The following BTBD19 variants were observed in gnomAD, a reference collection of about 807,000 sequenced individuals.
BTBD19 encodes the protein BTB/POZ domain-containing protein 19.
BTBD19 carries 20 observed loss-of-function variants against 36.1 expected under a neutral mutation model. That is an observed-to-expected ratio of 0.55 (90% CI 0.39 to 0.80). The LOEUF (loss-of-function observed/expected upper bound fraction) is 0.80. BTBD19 is among the 30% of genes least tolerant of loss of function. The pLI, the probability that BTBD19 is intolerant of heterozygous loss-of-function variation, is 0.00. For synonymous variants in BTBD19, 157 were observed against 174.3 expected (o/e 0.90, Z 0.78); for missense variants, 325 against 389.8 (o/e 0.83, Z 1.40).
At position 44,813,129 on chromosome 1, in the gene BTBD19, G is replaced by A; in HGVS notation, c.484-9G>A. The A allele has an allele frequency of 1.3e-6, 2 of 1,540,302 alleles. No individual in the cohort carries two copies. Among genetic ancestry groups the A allele is most frequent in the Non-Finnish European group, 1.8e-6 (2 of 1,141,278 alleles). On this transcript the variant is annotated splice_polypyrimidine_tract_variant and intron_variant, in intron 5 of 7. Transcript: ENST00000450269. This position sits in a 1 kb window ranked among gnomAD's most constrained non-coding sequence, Gnocchi z 7.8. ...TCTGCTCCTCCCTGACCCATTTGCC[G>A]GCTCGCAGGAGGCCCTCCGGACCCG...
At chr1:44,811,314 G>A (rs944789179) in intron 3 of BTBD19, among the ~76,000 whole-genome samples, 21 of 152,242 alleles carry the variant, frequency 1.4e-4, no homozygotes, top group African/African-American at 5.1e-4. Context: ...CTAGGGAGAG[G>A]AGAAGACTTC....
chr1:44,814,140 T>TTTTC, downstream of BTBD19: 1 of 256,138 alleles, frequency 3.9e-6, no homozygotes, highest in Non-Finnish European at 7.2e-6. Context: ...TTTCTTTTCT[T>TTTTC]TTTCTTTCTC....
chr1:44,814,274 C>T (rs1439486035), downstream of BTBD19: 1 of 143,754 alleles, frequency 7.0e-6, no homozygotes, highest in African/African-American at 2.6e-5. Context: ...CTTTCTCTAT[C>T]TCTTTCTTTC....
intron 4 of BTBD19, 40 bp downstream of exon 4, chr1:44,812,138 G>C: frequency 7.8e-7 from 1 of 1,279,144 alleles, no homozygotes. Flanking sequence ...GTCTGGCTCT[G>C]TGTGTGGAAA....
At chr1:44,809,623 T>C (rs1295817244) in intron 1 of BTBD19, among the ~76,000 whole-genome samples, 1 of 152,216 alleles carries the variant, frequency 6.6e-6, no homozygotes, top group Non-Finnish European at 1.5e-5. Flanking sequence ...TCCAGCCTCA[T>C]CTGCCTCCTA....
exon 1 of BTBD19, chr1:44,808,605 TG>T (rs1652245720): frequency 2.4e-6 from 1 of 413,284 alleles, no homozygotes; most frequent in African/African-American, 2.1e-5. Flanking sequence ...CAGCTTCTCC[TG>T]GCCCCCTCCC....
chr1:44,813,123 T>C lies in BTBD19; in HGVS notation c.484-15T>C, dbSNP rs1652506483. 5.2e-6 allele frequency: 8 copies of C among 1,541,482 alleles called. No homozygotes were observed. Among genetic ancestry groups the C allele is most frequent in the Non-Finnish European group, 5.3e-6 (6 of 1,141,666 alleles). On this transcript the variant is annotated splice_polypyrimidine_tract_variant and intron_variant, in intron 5 of 7. Transcript: ENST00000450269. The surrounding 1 kb of genome is among the most constrained non-coding windows in gnomAD (Gnocchi z 7.8). The stretch of plus-strand genomic sequence containing the variant: ...CCGCATTCTGCTCCTCCCTGACCCA[T>C]TTGCCGGCTCGCAGGAGGCCCTCCG...
At chr1:44,812,902 G>A (rs1463175930) in intron 4 of BTBD19, 94 bp from the exon 5 acceptor site, 1 of 1,222,550 alleles carries the variant, frequency 8.2e-7, no homozygotes, top group Non-Finnish European at 1.1e-6. Flanking sequence ...CCCCAGCTAG[G>A]GCTAGGGTCA....
chr1:44,808,549 C>CG (rs1367000819), exon 1 of BTBD19: 1 of 325,890 alleles, frequency 3.1e-6, no homozygotes, highest in Admixed American at 4.9e-5. Flanking sequence ...CCGCCGCCGC[C>CG]GCCAGCCAGC....
chr1:44,812,084 T>C, exon 4 of BTBD19: 1 of 1,305,162 alleles, frequency 7.7e-7, no homozygotes, highest in Non-Finnish European at 1.0e-6. Flanking sequence ...GGACTTGGTT[T>C]GTGAGGCCCT....
rs151329148 is a variant in BTBD19 at position 44,810,819 on chromosome 1, G to A, written c.354+212G>A. ...CCCTGTGTGTGCTGTGGGAAGAGGG[G>A]GTGATTATGGCTGGTGCTGTAGATA... On this transcript the variant is annotated intron_variant, in intron 3 of 7. Coordinates refer to ENST00000450269, the Ensembl canonical transcript of BTBD19. This position sits in a 1 kb window ranked among gnomAD's most constrained non-coding sequence, Gnocchi z 4.2. The A allele has an allele frequency of 3.4e-4, 129 of 380,974 alleles. No individual in the cohort carries two copies. The highest frequency in any genetic ancestry group is 2.5e-3 in the African/African-American group (120 of 47,500). 23.6% of individuals were successfully genotyped at this position (380,974 alleles called of 1,614,324 possible). A position where few individuals can be genotyped will look rare whatever the true frequency, so the allele number is the denominator to read the frequency against.
At position 44,810,719 on chromosome 1, in the gene BTBD19, A is replaced by G; in HGVS notation, c.354+112A>G. 9.4e-7 allele frequency: 1 copy of G among 1,068,040 alleles called. No individual in the cohort carries two copies. Among genetic ancestry groups the G allele is most frequent in the African/African-American group, 1.6e-5 (1 of 62,314 alleles). The allele number at this position is 1,068,040 out of a possible 1,614,324, so 66.2% of individuals were successfully genotyped here. A position where few individuals can be genotyped will look rare whatever the true frequency, so the allele number is the denominator to read the frequency against. On this transcript the variant is annotated intron_variant, in intron 3 of 7. Coordinates refer to ENST00000450269, the Ensembl canonical transcript of BTBD19. This position sits in a 1 kb window ranked among gnomAD's most constrained non-coding sequence, Gnocchi z 4.2. Reference sequence around the variant, plus strand: ...GAGAGGAACGTGTGCCCACACAGAGAGAAGTATGTATATCTCTCCCAAGTA... The same window carrying G: ...GAGAGGAACGTGTGCCCACACAGAGGGAAGTATGTATATCTCTCCCAAGTA...
At chr1:44,814,047 T>C in exon 8 of BTBD19, 1 of 573,428 alleles carries the variant, frequency 1.7e-6, no homozygotes, top group Non-Finnish European at 3.1e-6. Flanking sequence ...ACACCCTGAC[T>C]CTACGCCCTG....
At chr1:44,812,786 CGTGTGTGTGTGTGTGTGTGTGT>C (rs6143210) in intron 4 of BTBD19, among the ~76,000 whole-genome samples, 188 bp from the exon 5 acceptor site, 30,268 of 135,028 alleles carry the variant, frequency 0.22, 3,629 homozygotes, top group African/African-American at 0.34. Context: ...AGTGAGTCCA[CGTGTGTGTGTGTGTGTGTGTGT>C]GTGTGTGTGT....
At position 44,813,637 on chromosome 1, in the gene BTBD19, G is replaced by A. The variant is rs1251567862; in HGVS notation, c.742-1G>A. 2 of 1,549,386 alleles carry A rather than the reference G, an allele frequency of 1.3e-6. No individual in the cohort carries two copies. Among genetic ancestry groups the A allele is most frequent in the Non-Finnish European group, 1.7e-6 (2 of 1,145,384 alleles). On this transcript the variant is annotated splice_acceptor_variant, in intron 7 of 7. Coordinates refer to ENST00000450269, the Ensembl canonical transcript of BTBD19. LOFTEE classifies it high-confidence loss of function. The surrounding 1 kb of genome is among the most constrained non-coding windows in gnomAD (Gnocchi z 7.8). ...GCGCACTAACTGGCCTTGCTCTGCA[G>A]GTGGAGCAGATTGTGGAGGCGTGGA... is the stretch of plus-strand genomic sequence containing the variant.
chr1:44,808,874 A>C, exon 1 of BTBD19: 1 of 1,549,608 alleles, frequency 6.5e-7, no homozygotes, highest in South Asian at 1.2e-5. Flanking sequence ...TTTCCGCAGC[A>C]CTCCGAAGCC....
In BTBD19 at chr1:44,813,097, ACCGCATT is replaced by A. The variant is rs934797292; in HGVS notation, c.483+35_484-33del. 4 of 1,545,710 alleles carry A rather than the reference ACCGCATT, an allele frequency of 2.6e-6. No homozygotes were observed. In the Admixed American group the frequency reaches 7.9e-5, roughly 31 times the overall value. Reference sequence around the variant, plus strand: ...TCCCTTCATACTCCTCACCCTACGCACCGCATTCTGCTCCTCCCTGACCCATTTGCCG... The same window carrying A: ...TCCCTTCATACTCCTCACCCTACGCACTGCTCCTCCCTGACCCATTTGCCG... On this transcript the variant is annotated intron_variant, in intron 5 of 7. Transcript: ENST00000450269. This position sits in a 1 kb window ranked among gnomAD's most constrained non-coding sequence, Gnocchi z 7.8.
In BTBD19 at chr1:44,813,144, C is replaced by T. The variant is rs1232763553; in HGVS notation, c.490C>T (p.Leu164Phe). ...CCCATTTGCCGGCTCGCAGGAGGCC[C>T]TCCGGACCCGAGGCTTCCTGGAGCT... The change falls in exon 6 of 8, where the codon CTC becomes TTC. Residue 164 changes from leucine (L) to phenylalanine (F), a missense_variant. Leu to Phe is a conservative substitution (Grantham distance 22). Coordinates refer to ENST00000450269, the Ensembl canonical transcript of BTBD19. The surrounding 1 kb of genome is among the most constrained non-coding windows in gnomAD (Gnocchi z 7.8). 1.9e-6 allele frequency: 3 copies of T among 1,547,902 alleles called. No homozygotes were observed. Among genetic ancestry groups the T allele is most frequent in the South Asian group, 1.2e-5 (1 of 83,778 alleles).
At chr1:44,812,818 TGTGTGTGTGTGTGTGTGTG>T (rs1652484990) in intron 4 of BTBD19, among the ~76,000 whole-genome samples, 159 bp from the exon 5 acceptor site, 1 of 112,640 alleles carries the variant, frequency 8.9e-6, no homozygotes, top group African/African-American at 3.9e-5. Context: ...TGTGTGTGTG[TGTGTGTGTGTGTGTGTGTG>T]TAGCAGGCTT....
Sources: gnomAD v4.1 joint callset for allele counts (sites outside exome capture counted in the v4.1 genomes callset) on GRCh38, gnomAD v4.1.1 for gene constraint, Gnocchi (gnomAD v3.1) non-coding constraint, MANE v1.5 for transcripts, NCBI Gene and HGNC (gene_info 2026-07-23, HGNC 2026-07-21) for gene names.